The following CELF2 variants were observed in gnomAD, a reference collection of about 807,000 sequenced individuals.
CELF2 encodes the protein CUG triplet repeat RNA-binding protein 2.
CELF2 carries 8 observed loss-of-function variants against 62.6 expected under a neutral mutation model. The observed-to-expected ratio is 0.13, with a 90% CI of 0.07 to 0.23. CELF2 has a LOEUF of 0.23. CELF2 is among the 10% of genes least tolerant of loss of function. The pLI, the probability that CELF2 is intolerant of heterozygous loss-of-function variation, is 1.00. For synonymous variants in CELF2, 258 were observed against 250.0 expected, an observed-to-expected ratio of 1.03 and a Z score of -0.30; for missense variants, 333 against 671.0, an observed-to-expected ratio of 0.50 and a Z score of 5.56.
chr10:11,165,408 T>C lies in CELF2; in HGVS notation c.75-78T>C. On this transcript the variant is annotated intron_variant, in intron 1 of 12. Coordinates refer to ENST00000633077, the MANE Select transcript of CELF2 (RefSeq NM_001326342.2). This position sits in a 1 kb window ranked among gnomAD's most constrained non-coding sequence, Gnocchi z 7.4. The stretch of plus-strand genomic sequence containing the variant: ...CTTCCTCCTCCTTCCGCCTCCCCGC[T>C]CCCCCACCCCCACTATTTTTTCTTC... The C allele has an allele frequency of 7.5e-6, 11 of 1,474,792 alleles. No individual in the cohort carries two copies. Among genetic ancestry groups the C allele is most frequent in the South Asian group, 1.3e-5 (1 of 76,150 alleles). The allele number at this position is 1,474,792 out of a possible 1,614,324, so 91.4% of individuals were successfully genotyped here.
chr10:10,978,210 G>A (rs1455724946), intron 2 of CELF2, among the ~76,000 whole-genome samples: 2 of 152,066 alleles, frequency 1.3e-5, no homozygotes, highest in African/African-American at 4.8e-5. Context: ...CCAAGACACT[G>A]GTTTTATGCC....
At chr10:11,005,255 G>GGAGAGAGAGAGAGAGAGAGAGAGA (rs529664321), upstream of CELF2, 1 of 1,080,494 alleles carries the variant, frequency 9.3e-7, no homozygotes, top group Non-Finnish European at 1.2e-6. The surrounding 1 kb of genome is among the most constrained non-coding windows in gnomAD (Gnocchi z 4.3). Context: ...AGAGAGAGAG[G>GGAGAGAGAGAGAGAGAGAGAGAGA]GAGAGAGAGA....
At chr10:10,700,305 A>G in the CELF2 span, among the ~76,000 whole-genome samples, 7 of 152,240 alleles carry the variant, frequency 4.6e-5, no homozygotes, top group Admixed American at 1.3e-4. Flanking sequence ...GGCTGGGTTC[A>G]CAGACTCTGT....
chr10:10,469,929 T>C, the CELF2 span, among the ~76,000 whole-genome samples: 41 of 152,014 alleles, frequency 2.7e-4, no homozygotes, highest in African/African-American at 9.2e-4. Context: ...CAAGTACAGG[T>C]TGAGCATCCC....
chr10:10,832,430 C>T (rs1237465065), intron 1 of CELF2, among the ~76,000 whole-genome samples: 1 of 152,080 alleles, frequency 6.6e-6, no homozygotes, highest in Non-Finnish European at 1.5e-5. Context: ...GATATAGAGA[C>T]AAGTAGGATC....
At chr10:11,194,814 C>T (rs577399990) in intron 2 of CELF2, among the ~76,000 whole-genome samples, 14 of 152,310 alleles carry the variant, frequency 9.2e-5, no homozygotes, top group African/African-American at 3.4e-4. Context: ...AAGTTCAACT[C>T]AATTTTTATT....
rs1372358284 is a variant in CELF2, at chr10:11,247,800, CCTT to C, written c.355-1350_355-1348del. On this transcript the variant is annotated intron_variant, in intron 3 of 12. Transcript: ENST00000633077. The surrounding 1 kb of genome is among the most constrained non-coding windows in gnomAD (Gnocchi z 5.4). ...CATCTCCCCCAGGCATGTTGCTGGTCCTTCTCTCCATTTCTATAGGATAGAGGT... is the reference window on the plus strand; with the variant it reads ...CATCTCCCCCAGGCATGTTGCTGGTCCTCTCCATTTCTATAGGATAGAGGT... Among the ~76,000 whole-genome samples the C allele has an allele frequency of 5.3e-5, 8 of 152,190 alleles. No homozygotes were observed. Among genetic ancestry groups the C allele is most frequent in the Non-Finnish European group, 8.8e-5 (6 of 68,028 alleles).
chr10:10,987,327 G>C (rs920133089), intron 2 of CELF2, among the ~76,000 whole-genome samples: 2 of 151,578 alleles, frequency 1.3e-5, no homozygotes, highest in African/African-American at 4.9e-5. Context: ...CCTAAAATTG[G>C]AGAATTTCCC....
At chr10:10,922,448 C>G (rs1329894166) in intron 2 of CELF2, among the ~76,000 whole-genome samples, 3 of 152,162 alleles carry the variant, frequency 2.0e-5, no homozygotes, top group Non-Finnish European at 4.4e-5. Context: ...AGCAGACCAC[C>G]TCTATGTTGT....
chr10:11,134,640 G>A (rs2060142642), intron 1 of CELF2, among the ~76,000 whole-genome samples: 1 of 152,198 alleles, frequency 6.6e-6, no homozygotes, highest in African/African-American at 2.4e-5. Flanking sequence ...GCACCTTGAA[G>A]GGTGCATCTG....
intron 2 of CELF2, among the ~76,000 whole-genome samples, chr10:11,203,243 G>T (rs1378917444): frequency 2.6e-5 from 4 of 152,114 alleles, no homozygotes; most frequent in African/African-American, 9.7e-5. Context: ...TCAGTGTGTG[G>T]TGTGGAGAGT....
At position 10,832,835 on chromosome 10, in the gene CELF2, T is replaced by C. The variant is rs1006620047; in HGVS notation, c.53+34018T>C. On this transcript the variant is annotated intron_variant, in intron 1 of 13. Coordinates refer to the CELF2 transcript ENST00000636488. ...CACTGGAATCGGAGGGGAGAGAAGA[T>C]AAAATGCAAAATTGGCCTATCACCA... Among the ~76,000 whole-genome samples, 6 of 152,110 alleles carry C rather than the reference T, an allele frequency of 3.9e-5. 1 individual carries two copies. Among genetic ancestry groups the C allele is most frequent in the Admixed American group, 3.3e-4 (5 of 15,278 alleles).
the CELF2 span, among the ~76,000 whole-genome samples, chr10:10,522,854 G>A: frequency 6.6e-6 from 1 of 152,194 alleles, no homozygotes; most frequent in Admixed American, 6.5e-5. Context: ...ACAGGCATAA[G>A]CCACCGTGTC....
At chr10:10,664,657 A>T in the CELF2 span, among the ~76,000 whole-genome samples, 1 of 152,218 alleles carries the variant, frequency 6.6e-6, no homozygotes, top group South Asian at 2.1e-4. Flanking sequence ...ATAGAAATCA[A>T]GCTGGGTAGA....
chr10:10,677,994 A>C, the CELF2 span, among the ~76,000 whole-genome samples: 5 of 152,296 alleles, frequency 3.3e-5, no homozygotes, highest in African/African-American at 1.2e-4. Context: ...AACATGACCT[A>C]GTAAGTTACC....
chr10:10,798,793 C>T (rs531539361), exon 1 of CELF2: 32 of 398,768 alleles, frequency 8.0e-5, no homozygotes, highest in African/African-American at 5.5e-4. Flanking sequence ...GACTTGGATC[C>T]TCTGAAAAAC....
chr10:11,289,067 T>C (rs888641612), intron 9 of CELF2, among the ~76,000 whole-genome samples: 1 of 152,250 alleles, frequency 6.6e-6, no homozygotes, highest in Non-Finnish European at 1.5e-5. Context: ...TTTAAAGTCT[T>C]TTTTTCTTCA....
At position 11,224,785 on chromosome 10, in the gene CELF2, G is replaced by A. The variant is rs2065939513; in HGVS notation, c.354+7278G>A. ...GGTGAAGTGCGCTCGTGAGTTCGGA[G>A]CCTGGAGCTTTAGGCCACACAAAAA... On this transcript the variant is annotated intron_variant, in intron 3 of 12. Transcript: ENST00000633077. The surrounding 1 kb of genome is among the most constrained non-coding windows in gnomAD (Gnocchi z 4.5). 6.6e-6 allele frequency among the ~76,000 whole-genome samples: 1 copy of A among 152,138 alleles called. No homozygotes were observed. The highest frequency in any genetic ancestry group is 2.4e-5 in the African/African-American group (1 of 41,416).
intron 1 of CELF2, among the ~76,000 whole-genome samples, chr10:11,095,016 C>T (rs931995161): frequency 2.6e-5 from 4 of 152,076 alleles, no homozygotes; most frequent in African/African-American, 4.8e-5. Flanking sequence ...TAACTGGATT[C>T]GATTTGCTTT....
Sources: gnomAD v4.1 joint callset for allele counts (sites outside exome capture counted in the v4.1 genomes callset) on GRCh38, gnomAD v4.1.1 for gene constraint, Gnocchi (gnomAD v3.1) non-coding constraint, MANE v1.5 for transcripts, NCBI Gene and HGNC (gene_info 2026-07-23, HGNC 2026-07-21) for gene names.